C1orf226: variants seen among roughly 807,000 people sequenced by gnomAD.
C1orf226 encodes the protein chromosome 1 open reading frame 226.
C1orf226 carries 4 observed loss-of-function variants against 10.5 expected under a neutral mutation model. That is an observed-to-expected ratio of 0.38 (90% CI 0.19 to 0.87). The LOEUF (loss-of-function observed/expected upper bound fraction) is 0.87, where lower values mean the gene tolerates loss of function less well. Ranked by LOEUF, C1orf226 falls within the 40% of genes least tolerant of loss-of-function variation. The pLI, the probability that C1orf226 is intolerant of heterozygous loss-of-function variation, is 0.41. For missense variants in C1orf226, 313 were observed against 336.2 expected (o/e 0.93, Z 0.54); for synonymous variants, 125 against 139.3 (o/e 0.90, Z 0.72).
At chr1:162,382,287 T>C in intron 1 of C1orf226, 69 bp downstream of exon 1, 1 of 1,506,608 alleles carries the variant, frequency 6.6e-7, no homozygotes, top group South Asian at 1.3e-5. Context: ...AGGGACAAAC[T>C]GCAGTGTCTG....
chr1:162,382,125 G>A lies in C1orf226; in HGVS notation c.224G>A (p.Gly75Asp). Residue 75 changes from glycine (G) to aspartate (D), a missense_variant, in exon 1 of 2, where the codon GGC (glycine) becomes GAC (aspartate). Coordinates refer to ENST00000458626, the MANE Select transcript of C1orf226 (RefSeq NM_001085375.2). The stretch of plus-strand genomic sequence containing the variant: ...AGGAGAAAGGAGCCCTCCAGCCTGG[G>A]CAGTGTGGGTGTGACAGAGATCAAC... ...FLRRKEPSSL[G>D]SVGVTEINKT... 1.9e-6 allele frequency: 3 copies of A among 1,589,782 alleles called. No individual in the cohort carries two copies. The highest frequency in any genetic ancestry group is 2.6e-6 in the Non-Finnish European group (3 of 1,168,164).
chr1:162,383,577 C>G lies in C1orf226; in HGVS notation c.713C>G (p.Pro238Arg). The change falls in exon 2 of 2, where the codon CCC becomes CGC. Residue 238 changes from proline (P) to arginine (R), a missense_variant. Coordinates refer to ENST00000458626, the MANE Select transcript of C1orf226 (RefSeq NM_001085375.2). ...AATGGCTTCAAACTCAGCTTGAGCC[C>G]CATCAGCCTGGCTGAGTCCTGGGAG... ...ERNGFKLSLS[P>R]ISLAESWEDG... 6.2e-7 allele frequency: 1 copy of G among 1,605,128 alleles called. No individual in the cohort carries two copies. Among genetic ancestry groups the G allele is most frequent in the East Asian group, 2.2e-5 (1 of 44,564 alleles).
In C1orf226 at chr1:162,383,713, CCTTGT is replaced by C. The variant is rs1224033726; in HGVS notation, c.*34_*38del. 14 of 1,546,362 alleles carry C rather than the reference CCTTGT, an allele frequency of 9.1e-6. No individual in the cohort carries two copies. The highest frequency in any genetic ancestry group is 1.1e-5 in the Non-Finnish European group (13 of 1,151,724). On this transcript the variant is annotated 3_prime_UTR_variant, in exon 2 of 2. Transcript: ENST00000458626. Reference sequence around the variant, plus strand: ...TCTGCTCTTTCCTGCTGAGCTCTGCCCTTGTCTTCCTGCTGCTTTCTCCTCCACTG... The same window carrying C: ...TCTGCTCTTTCCTGCTGAGCTCTGCCCTTCCTGCTGCTTTCTCCTCCACTG...
upstream of C1orf226, chr1:162,381,625 G>T (rs1217985277): frequency 2.6e-6 from 3 of 1,175,742 alleles, no homozygotes; most frequent in East Asian, 1.0e-4. Context: ...CAAGGAGGCA[G>T]GTTTACAGGA....
chr1:162,381,639 A>G, upstream of C1orf226: 1 of 1,296,160 alleles, frequency 7.7e-7, no homozygotes, highest in Non-Finnish European at 9.9e-7. Context: ...TACAGGAACA[A>G]CTTTATTTTT....
chr1:162,385,922 T>C lies in C1orf226; in HGVS notation c.*2239T>C, dbSNP rs1421699610. ...TCTTAAGTACCCTGCCTCCACTCTA[T>C]AGCCCAGCTGCTGCTGGAGTCCAGG... On this transcript the variant is annotated 3_prime_UTR_variant, in exon 2 of 2. Transcript: ENST00000458626. 6.6e-6 allele frequency: 1 copy of C among 152,376 alleles called. No individual in the cohort carries two copies. The highest frequency in any genetic ancestry group is 2.4e-5 in the African/African-American group (1 of 41,434). The allele number at this position is 152,376 out of a possible 1,614,324, so 9.4% of individuals were successfully genotyped here.
rs1162562109 is a variant in C1orf226 at position 162,385,585 on chromosome 1, A to T, written c.*1902A>T. ...TTACGTGTACATTCTTTCTCACTCT[A>T]AGGATGTGATATCTGACCCTGATGT... On this transcript the variant is annotated 3_prime_UTR_variant, in exon 2 of 2. Coordinates refer to ENST00000458626, the MANE Select transcript of C1orf226 (RefSeq NM_001085375.2). The T allele has an allele frequency of 6.6e-6, 1 of 152,184 alleles. No individual in the cohort carries two copies. The highest frequency in any genetic ancestry group is 2.4e-5 in the African/African-American group (1 of 41,428). The allele number at this position is 152,184 out of a possible 1,614,324, so 9.4% of individuals were successfully genotyped here.
rs1381410197 is a variant in C1orf226 at position 162,382,115 on chromosome 1, T to G, written c.214T>G (p.Ser72Ala). Residue 72 changes from serine to alanine, a missense_variant, in exon 1 of 2, where the codon TCC (serine) becomes GCC (alanine). By Grantham distance (99) the Ser-to-Ala change is moderately conservative. Coordinates refer to ENST00000458626, the MANE Select transcript of C1orf226 (RefSeq NM_001085375.2). The stretch of plus-strand genomic sequence containing the variant: ...TGACTTCCTGAGGAGAAAGGAGCCC[T>G]CCAGCCTGGGCAGTGTGGGTGTGAC... ...VNDFLRRKEP[S>A]SLGSVGVTEI... 6.3e-7 allele frequency: 1 copy of G among 1,590,276 alleles called. No homozygotes were observed.
chr1:162,379,025 C>T (rs756628118), upstream of C1orf226: 26 of 1,546,656 alleles, frequency 1.7e-5, no homozygotes, highest in East Asian at 2.4e-5. Context: ...GCCCCTTTCT[C>T]GGACAGGTAA....
chr1:162,381,682 G>T, upstream of C1orf226: 1 of 1,398,796 alleles, frequency 7.1e-7, no homozygotes, highest in East Asian at 2.8e-5. Flanking sequence ...ATTAACTTGG[G>T]TGGGGCAGAG....
At position 162,383,178 on chromosome 1, in the gene C1orf226, A is replaced by T. The variant is rs753668273; in HGVS notation, c.318-4A>T. 1 of 1,562,076 alleles carries T rather than the reference A, an allele frequency of 6.4e-7. No homozygotes were observed. Among genetic ancestry groups the T allele is most frequent in the Non-Finnish European group, 8.7e-7 (1 of 1,155,024 alleles). On this transcript the variant is annotated splice_region_variant and splice_polypyrimidine_tract_variant and intron_variant, in intron 1 of 1. Coordinates refer to ENST00000458626, the MANE Select transcript of C1orf226 (RefSeq NM_001085375.2). ...ATGTGTGTTTATTGTCATTAACCTT[A>T]CAGGTCAGTCCTGCAAGAAACATTT...
chr1:162,383,669 C>T lies in C1orf226; in HGVS notation c.805C>T (p.Leu269=). 1 of 1,604,008 alleles carries T rather than the reference C, an allele frequency of 6.2e-7. No individual in the cohort carries two copies. Among genetic ancestry groups the T allele is most frequent in the Non-Finnish European group, 8.5e-7 (1 of 1,176,280 alleles). Residue 269 remains leucine, a synonymous_variant, in exon 2 of 2, where the codon CTG becomes TTG. Coordinates refer to ENST00000458626, the MANE Select transcript of C1orf226 (RefSeq NM_001085375.2). ...CAATGAGGGCCCTCACCCAGACCTGCTGTCCTTTGAATAGAGCCTCTGCTC... is the reference window on the plus strand; with the variant it reads ...CAATGAGGGCCCTCACCCAGACCTGTTGTCCTTTGAATAGAGCCTCTGCTC... ...LDNEGPHPDL[L]SFE is the part of the protein sequence containing the mutation.
chr1:162,380,135 T>C (rs903068876), upstream of C1orf226, among the ~76,000 whole-genome samples: 32 of 151,864 alleles, frequency 2.1e-4, no homozygotes, highest in Admixed American at 3.9e-4. Context: ...TCATCAGGAG[T>C]TGATGACCCT....
intron 1 of C1orf226, among the ~76,000 whole-genome samples, chr1:162,382,513 C>T (rs186161822): frequency 8.8e-6 from 1 of 113,626 alleles, no homozygotes; most frequent in East Asian, 2.5e-4. Context: ...ATCATTTTGT[C>T]TAACCCTCCC....
chr1:162,379,095 G>A, upstream of C1orf226: 1 of 1,097,302 alleles, frequency 9.1e-7, no homozygotes, highest in Middle Eastern at 2.3e-4. Flanking sequence ...GCTTGGGTGT[G>A]TGCATGTTGG....
chr1:162,379,938 C>T (rs1429902438), upstream of C1orf226, among the ~76,000 whole-genome samples: 5 of 152,196 alleles, frequency 3.3e-5, no homozygotes, highest in Admixed American at 2.0e-4. Flanking sequence ...CTTCCCCGGG[C>T]ATTTCGTACA....
chr1:162,381,669 C>T (rs1647911463), upstream of C1orf226: 4 of 1,382,472 alleles, frequency 2.9e-6, no homozygotes, highest in Admixed American at 7.2e-5. Context: ...GCATTAGTCA[C>T]TGATTAACTT....
rs1648109526 is a variant in C1orf226, at chr1:162,386,408, G to A, written c.*2725G>A. On this transcript the variant is annotated 3_prime_UTR_variant, in exon 2 of 2. Coordinates refer to ENST00000458626, the MANE Select transcript of C1orf226 (RefSeq NM_001085375.2). ...CTTCAGTTAGCCCAGTCCATGAGAG[G>A]GCAGGGTAATGAGGAGGAGTAAAGG... 1 of 152,262 alleles carries A rather than the reference G, an allele frequency of 6.6e-6. No homozygotes were observed. Among genetic ancestry groups the A allele is most frequent in the African/African-American group, 2.4e-5 (1 of 41,442 alleles). The allele number at this position is 152,262 out of a possible 1,614,324, so 9.4% of individuals were successfully genotyped here.
At chr1:162,380,666 C>T (rs1195031568), upstream of C1orf226, among the ~76,000 whole-genome samples, 4 of 152,168 alleles carry the variant, frequency 2.6e-5, no homozygotes, top group African/African-American at 4.8e-5. Flanking sequence ...GATTCCAAGG[C>T]CTCAGAGTGG....
Sources: allele counts gnomAD v4.1 joint callset (sites outside exome capture counted in the v4.1 genomes callset), GRCh38; gene constraint gnomAD v4.1.1; transcripts MANE v1.5; gene names NCBI Gene and HGNC (gene_info 2026-07-23, HGNC 2026-07-21).